EYS: variants seen among roughly 807,000 people sequenced by gnomAD.
EYS encodes the protein protein eyes shut homolog.
A neutral mutation model predicts 282.1 loss-of-function variants in EYS; 250 were observed. That is an observed-to-expected ratio of 0.89 (90% CI 0.80 to 0.98). EYS has a LOEUF of 0.98. Among genes scored for constraint, EYS ranks in the 50% least tolerant of loss-of-function variants. The pLI, the probability that EYS is intolerant of heterozygous loss-of-function variation, is 0.00. For missense variants in EYS, 4,016 were observed against 3,709.0 expected (o/e 1.08, Z -2.15); for synonymous variants, 1,355 against 1,282.9 (o/e 1.06, Z -1.20).
At chr6:64,025,622 A>T (rs1769459476) in intron 33 of EYS, among the ~76,000 whole-genome samples, 1 of 152,094 alleles carries the variant, frequency 6.6e-6, no homozygotes, top group Non-Finnish European at 1.5e-5. Flanking sequence ...AGAAAGACAT[A>T]ATTTTTGCCC....
intron 12 of EYS, among the ~76,000 whole-genome samples, chr6:65,128,640 A>G (rs1314294055): frequency 6.6e-6 from 1 of 152,064 alleles, no homozygotes; most frequent in Non-Finnish European, 1.5e-5. Context: ...CTCTTCAAGG[A>G]GAACTACAAA....
chr6:63,755,483 G>T (rs935754733), intron 41 of EYS, among the ~76,000 whole-genome samples: 1 of 152,088 alleles, frequency 6.6e-6, no homozygotes, highest in Admixed American at 6.5e-5. Flanking sequence ...TGTTCTATTG[G>T]TCTGTCTCTC....
intron 19 of EYS, among the ~76,000 whole-genome samples, chr6:64,849,485 T>C (rs1247600606): frequency 6.6e-6 from 1 of 152,166 alleles, no homozygotes; most frequent in East Asian, 1.9e-4. Flanking sequence ...TCAGTAGATT[T>C]CTATTTCTGC....
chr6:64,470,478 A>G (rs9362876), intron 26 of EYS, among the ~76,000 whole-genome samples: 45,626 of 152,030 alleles, frequency 0.3, 6,893 homozygotes, highest in East Asian at 0.47. Flanking sequence ...TGAAAAATAC[A>G]ATCAAGATCT....
At chr6:65,480,697 G>A (rs972599698) in intron 5 of EYS, among the ~76,000 whole-genome samples, 1 of 152,050 alleles carries the variant, frequency 6.6e-6, no homozygotes, top group African/African-American at 2.4e-5. Context: ...GTCAATATAT[G>A]GAATCAACCT....
intron 31 of EYS, among the ~76,000 whole-genome samples, chr6:64,170,141 T>C (rs1410767580): frequency 6.6e-6 from 1 of 152,116 alleles, no homozygotes; most frequent in Non-Finnish European, 1.5e-5. Context: ...TAAACTTCAC[T>C]AGGTTTGCTT....
At chr6:64,586,886 A>T (rs561095137) in intron 26 of EYS, among the ~76,000 whole-genome samples, 25 of 152,216 alleles carry the variant, frequency 1.6e-4, no homozygotes, top group African/African-American at 5.8e-4. Context: ...TATCCTTCCC[A>T]AATAACCAGT....
At chr6:65,330,917 T>C (rs1463961254) in intron 11 of EYS, 5 of 982,224 alleles carry the variant, frequency 5.1e-6, no homozygotes, top group Non-Finnish European at 6.0e-6. Context: ...CAATACCATT[T>C]ACTAAAGAAC....
chr6:64,380,766 C>CCAG (rs1481992331), intron 29 of EYS, among the ~76,000 whole-genome samples: 12 of 152,046 alleles, frequency 7.9e-5, no homozygotes, highest in African/African-American at 2.7e-4. Context: ...GCCTATAATA[C>CCAG]CAGCACTTTG....
intron 12 of EYS, among the ~76,000 whole-genome samples, chr6:65,145,254 AGAATATTAT>A (rs1561989344): frequency 1.3e-5 from 2 of 151,504 alleles, no homozygotes; most frequent in Non-Finnish European, 2.9e-5. Flanking sequence ...ACAAAATCGA[AGAATATTAT>A]GAATTTTTTC....
intron 29 of EYS, among the ~76,000 whole-genome samples, chr6:64,340,328 A>G (rs1339814304): frequency 6.6e-6 from 1 of 151,922 alleles, no homozygotes; most frequent in African/African-American, 2.4e-5. Flanking sequence ...CTGTATTGTG[A>G]GGCTATAGTA....
intron 13 of EYS, among the ~76,000 whole-genome samples, chr6:65,055,953 T>G (rs562457631): frequency 6.6e-6 from 1 of 152,068 alleles, no homozygotes; most frequent in Admixed American, 6.6e-5. Flanking sequence ...CCAGTCACTA[T>G]CTGCTGTCCA....
At chr6:65,420,038 T>A in intron 5 of EYS, among the ~76,000 whole-genome samples, 1 of 152,008 alleles carries the variant, frequency 6.6e-6, no homozygotes, top group East Asian at 1.9e-4. Context: ...TTTTTGCTGA[T>A]GGAATTCTTT....
At chr6:65,539,444 A>T (rs1246384306) in intron 2 of EYS, among the ~76,000 whole-genome samples, 1 of 152,188 alleles carries the variant, frequency 6.6e-6, no homozygotes, top group Non-Finnish European at 1.5e-5. Flanking sequence ...GATATACAAT[A>T]TAAATATATT....
At chr6:64,892,482 T>A (rs554169593) in intron 18 of EYS, among the ~76,000 whole-genome samples, 1 of 152,028 alleles carries the variant, frequency 6.6e-6, no homozygotes, top group African/African-American at 2.4e-5. Context: ...TAAGGACTTT[T>A]AAGCCTATGT....
At chr6:64,635,719 G>A (rs552924375) in intron 22 of EYS, among the ~76,000 whole-genome samples, 67 of 152,176 alleles carry the variant, frequency 4.4e-4, no homozygotes, top group African/African-American at 9.9e-4. Context: ...TGCTGGATTC[G>A]GTTTGCCAGT....
intron 29 of EYS, among the ~76,000 whole-genome samples, chr6:64,336,529 G>T (rs934514544): frequency 1.4e-4 from 22 of 151,910 alleles, no homozygotes; most frequent in African/African-American, 5.1e-4. Context: ...TAATTGTGGG[G>T]GACTTAAATA....
At chr6:64,082,260 C>G (rs1176857789) in intron 31 of EYS, among the ~76,000 whole-genome samples, 1 of 152,004 alleles carries the variant, frequency 6.6e-6, no homozygotes, top group Non-Finnish European at 1.5e-5. Flanking sequence ...TAAGACATAA[C>G]AAACACTCTA....
intron 12 of EYS, among the ~76,000 whole-genome samples, chr6:65,141,657 ATCT>A (rs1764347637): frequency 3.0e-5 from 1 of 33,598 alleles, no homozygotes; most frequent in Non-Finnish European, 5.9e-5. Flanking sequence ...CTGTCTATCT[ATCT>A]ATCTATCTAT....
Sources: allele counts gnomAD v4.1 joint callset (sites outside exome capture counted in the v4.1 genomes callset), GRCh38; gene constraint gnomAD v4.1.1; transcripts MANE v1.5; gene names NCBI Gene and HGNC (gene_info 2026-07-23, HGNC 2026-07-21).